PRKN: variants seen among roughly 807,000 people sequenced by gnomAD.
The protein encoded by PRKN is parkin RBR E3 ubiquitin protein ligase.
A neutral mutation model predicts 59.5 loss-of-function variants in PRKN; 56 were observed. That is an observed-to-expected ratio of 0.94 (90% CI 0.76 to 1.18). The LOEUF (loss-of-function observed/expected upper bound fraction) is 1.18, where lower values mean the gene tolerates loss of function less well. Ranked by LOEUF, PRKN falls within the 50% of genes most tolerant of loss-of-function variation. PRKN has a pLI of 0.00. For missense variants in PRKN, 657 were observed against 596.4 expected (o/e 1.10, Z -1.06); for synonymous variants, 250 against 222.1 (o/e 1.13, Z -1.12).
intron 7 of PRKN, among the ~76,000 whole-genome samples, chr6:161,647,550 C>T (rs1784001258): frequency 1.3e-5 from 2 of 152,140 alleles, no homozygotes; most frequent in South Asian, 4.2e-4. Flanking sequence ...TTTAAAAGTG[C>T]AACTGGGTAT....
rs369899638 is a variant in PRKN, at chr6:161,591,832, C to T, written c.872-22416G>A. Reference sequence around the variant, plus strand: ...GGAAAGGAATAATGCCATTTTTACCCGGCCCTTTAGAAGACAAGGTAAACT... The same window carrying T: ...GGAAAGGAATAATGCCATTTTTACCTGGCCCTTTAGAAGACAAGGTAAACT... On this transcript the variant is annotated intron_variant, in intron 7 of 11. Transcript: ENST00000366898. Among the ~76,000 whole-genome samples, 266 of 152,208 alleles carry T rather than the reference C, an allele frequency of 1.7e-3. 1 individual carries two copies. Among genetic ancestry groups the T allele is most frequent in the African/African-American group, 5.2e-3 (214 of 41,524 alleles).
intron 2 of PRKN, among the ~76,000 whole-genome samples, chr6:162,429,470 C>T (rs902948112): frequency 6.6e-6 from 1 of 152,090 alleles, no homozygotes; most frequent in Non-Finnish European, 1.5e-5. Flanking sequence ...TCCTGGGAGT[C>T]CTGCACCACA....
At chr6:161,974,362 T>G (rs1013387760) in intron 5 of PRKN, among the ~76,000 whole-genome samples, 1 of 152,186 alleles carries the variant, frequency 6.6e-6, no homozygotes, top group Non-Finnish European at 1.5e-5. Flanking sequence ...CCACCCTCTG[T>G]GCCAGGCAAC....
chr6:161,946,451 C>CTCTCTCTCTCTCTCTCTCTCTCTCT (rs1554253070), intron 6 of PRKN, among the ~76,000 whole-genome samples: 1 of 136,558 alleles, frequency 7.3e-6, no homozygotes, highest in Admixed American at 7.5e-5. Flanking sequence ...CTCTCTCTCT[C>CTCTCTCTCTCTCTCTCTCTCTCTCT]AATACAAAAG....
intron 1 of PRKN, among the ~76,000 whole-genome samples, chr6:162,586,550 G>A (rs969004491): frequency 6.6e-6 from 1 of 152,128 alleles, no homozygotes; most frequent in African/African-American, 2.4e-5. Flanking sequence ...AGAGAAAGAG[G>A]TCCTGTGCCA....
At chr6:161,829,389 GT>G (rs1308860509) in intron 6 of PRKN, among the ~76,000 whole-genome samples, 1 of 152,160 alleles carries the variant, frequency 6.6e-6, no homozygotes, top group Non-Finnish European at 1.5e-5. Flanking sequence ...ATTGTGTTTC[GT>G]GACAGTTTTG....
chr6:162,236,204 C>T (rs762416438), intron 3 of PRKN, among the ~76,000 whole-genome samples: 3 of 152,152 alleles, frequency 2.0e-5, no homozygotes, highest in Non-Finnish European at 4.4e-5. Flanking sequence ...TCACTTGTAC[C>T]CGTTGACTAC....
chr6:161,399,113 G>GA lies in PRKN; in HGVS notation c.1084-12237dup, dbSNP rs1010842672. 3.3e-4 allele frequency among the ~76,000 whole-genome samples: 51 copies of GA among 152,272 alleles called. No individual in the cohort carries two copies. Among genetic ancestry groups the GA allele is most frequent in the Non-Finnish European group, 5.9e-4 (40 of 68,026 alleles). On this transcript the variant is annotated intron_variant, in intron 9 of 11. Coordinates refer to ENST00000366898, the MANE Select transcript of PRKN (RefSeq NM_004562.3). This position sits in a 1 kb window ranked among gnomAD's most constrained non-coding sequence, Gnocchi z 4.4. ...AGAGGAGTTCTGCTGCAGACAGTTAGAGAGGAGATTGGCTGCTGGACGGCC... is the reference window on the plus strand; with the variant it reads ...AGAGGAGTTCTGCTGCAGACAGTTAGAAGAGGAGATTGGCTGCTGGACGGCC...
chr6:161,643,997 C>A (rs888411356), intron 7 of PRKN, among the ~76,000 whole-genome samples: 4 of 151,944 alleles, frequency 2.6e-5, no homozygotes, highest in Admixed American at 2.6e-4. Flanking sequence ...TCATCAATGC[C>A]AGAGGAGCAA....
At chr6:162,256,492 C>T (rs1779643650) in intron 3 of PRKN, among the ~76,000 whole-genome samples, 1 of 152,044 alleles carries the variant, frequency 6.6e-6, no homozygotes, top group African/African-American at 2.4e-5. Flanking sequence ...AAGTGGAATC[C>T]AGCAGCCTGC....
chr6:161,704,874 CAGT>C (rs2128180246), intron 7 of PRKN, among the ~76,000 whole-genome samples: 1 of 152,342 alleles, frequency 6.6e-6, no homozygotes, highest in African/African-American at 2.4e-5. Context: ...GGTCCCTCAG[CAGT>C]ACCACGTTTC....
intron 9 of PRKN, among the ~76,000 whole-genome samples, chr6:161,394,054 G>C (rs2114962571): frequency 6.6e-6 from 1 of 152,252 alleles, no homozygotes; most frequent in Non-Finnish European, 1.5e-5. Context: ...ATCAAGAGAG[G>C]AAGTCTCCCT....
chr6:161,766,980 A>G (rs947430223), intron 7 of PRKN, among the ~76,000 whole-genome samples: 4 of 152,190 alleles, frequency 2.6e-5, no homozygotes, highest in Admixed American at 2.6e-4. Context: ...ACAGAGAATC[A>G]CTGTGAGGCT....
At chr6:161,686,700 C>G (rs1290962246) in intron 7 of PRKN, among the ~76,000 whole-genome samples, 1 of 152,192 alleles carries the variant, frequency 6.6e-6, no homozygotes, top group Admixed American at 6.5e-5. Context: ...ATTATATTCT[C>G]CGAGAGGACC....
chr6:161,900,116 T>TAATAAAATAA (rs762480638), intron 6 of PRKN, among the ~76,000 whole-genome samples: 276 of 151,288 alleles, frequency 1.8e-3, no homozygotes, highest in African/African-American at 6.0e-3. Context: ...GACTCAAAAA[T>TAATAAAATAA]AATAAAATAA....
At chr6:161,680,152 C>T (rs1018189326) in intron 7 of PRKN, among the ~76,000 whole-genome samples, 5 of 152,024 alleles carry the variant, frequency 3.3e-5, no homozygotes, top group Non-Finnish European at 5.9e-5. Context: ...ATAAACTTTT[C>T]GATCAAGAGA....
chr6:161,896,534 A>C (rs1777632992), intron 6 of PRKN, among the ~76,000 whole-genome samples: 1 of 152,204 alleles, frequency 6.6e-6, no homozygotes, highest in African/African-American at 2.4e-5. Flanking sequence ...TATAGAGTAG[A>C]AACATCCCCT....
chr6:162,312,421 G>T (rs1017575123), intron 2 of PRKN, among the ~76,000 whole-genome samples: 1 of 152,068 alleles, frequency 6.6e-6, no homozygotes, highest in Non-Finnish European at 1.5e-5. Flanking sequence ...AGGTTCTGTT[G>T]CCCCATCTGA....
At chr6:162,528,451 A>G (rs980887392) in intron 1 of PRKN, among the ~76,000 whole-genome samples, 1 of 152,184 alleles carries the variant, frequency 6.6e-6, no homozygotes, top group African/African-American at 2.4e-5. Flanking sequence ...TTTACAGAAA[A>G]TAGTCATTAA....
Sources: gnomAD v4.1 joint callset for allele counts (sites outside exome capture counted in the v4.1 genomes callset) on GRCh38, gnomAD v4.1.1 for gene constraint, Gnocchi (gnomAD v3.1) non-coding constraint, MANE v1.5 for transcripts, NCBI Gene and HGNC (gene_info 2026-07-23, HGNC 2026-07-21) for gene names.